The following GABRG3 variants were observed in gnomAD, a reference collection of about 807,000 sequenced individuals.
GABRG3 encodes gamma-aminobutyric acid receptor subunit gamma-3.
GABRG3 carries 25 observed loss-of-function variants against 48.8 expected under a neutral mutation model. The observed-to-expected ratio is 0.51, with a 90% CI of 0.37 to 0.72. The LOEUF is 0.72. GABRG3 is among the 30% of genes least tolerant of loss of function. The pLI is 0.00. For missense variants in GABRG3, 394 were observed against 577.9 expected (o/e 0.68, Z 3.26); for synonymous variants, 227 against 217.6 (o/e 1.04, Z -0.38).
intron 3 of GABRG3, among the ~76,000 whole-genome samples, chr15:27,264,492 T>G (rs895626966): frequency 3.3e-5 from 5 of 152,042 alleles, no homozygotes; most frequent in Non-Finnish European, 7.4e-5. Flanking sequence ...TATAGTCTAC[T>G]TTCTTTTCTC....
At chr15:27,456,350 G>GGT (rs1595765878) in intron 5 of GABRG3, among the ~76,000 whole-genome samples, 1 of 152,190 alleles carries the variant, frequency 6.6e-6, no homozygotes. Context: ...GAAAACACTG[G>GGT]GTCAACTGCT....
intron 2 of GABRG3, among the ~76,000 whole-genome samples, chr15:27,012,719 A>G (rs748216072): frequency 1.3e-5 from 2 of 152,168 alleles, no homozygotes; most frequent in African/African-American, 4.8e-5. Flanking sequence ...ACTCATAACT[A>G]TAAAAAACAG....
chr15:27,123,197 A>T (rs989810074), intron 3 of GABRG3, among the ~76,000 whole-genome samples: 11 of 152,246 alleles, frequency 7.2e-5, no homozygotes, highest in Non-Finnish European at 1.5e-5. Flanking sequence ...TCAATATGTT[A>T]GTGAAAAGAA....
intron 5 of GABRG3, among the ~76,000 whole-genome samples, chr15:27,421,974 C>A (rs1242689273): frequency 6.7e-6 from 1 of 148,522 alleles, no homozygotes; most frequent in African/African-American, 2.5e-5. Context: ...GAGTGGGCTG[C>A]ATATCCACCA....
chr15:27,478,396 T>G (rs781507892), intron 5 of GABRG3, among the ~76,000 whole-genome samples: 1 of 152,270 alleles, frequency 6.6e-6, no homozygotes, highest in East Asian at 1.9e-4. Flanking sequence ...AACAAAAGCA[T>G]GAGAATATGC....
At chr15:27,460,107 C>A (rs1417100847) in intron 5 of GABRG3, among the ~76,000 whole-genome samples, 1 of 152,094 alleles carries the variant, frequency 6.6e-6, no homozygotes, top group Non-Finnish European at 1.5e-5. Flanking sequence ...TAAATGCTAA[C>A]CTTTGGATAA....
intron 3 of GABRG3, among the ~76,000 whole-genome samples, chr15:27,155,753 G>C (rs187305127): frequency 6.6e-6 from 1 of 152,052 alleles, no homozygotes; most frequent in African/African-American, 2.4e-5. Context: ...CTGGCTGGAC[G>C]GGTACAAGTA....
intron 5 of GABRG3, among the ~76,000 whole-genome samples, chr15:27,417,077 C>G (rs1358036603): frequency 6.6e-6 from 1 of 152,138 alleles, no homozygotes; most frequent in Non-Finnish European, 1.5e-5. Context: ...TCCCAAAGAA[C>G]ATATGGAAGT....
chr15:27,387,457 C>T (rs1895958305), intron 5 of GABRG3, among the ~76,000 whole-genome samples: 1 of 151,898 alleles, frequency 6.6e-6, no homozygotes, highest in Non-Finnish European at 1.5e-5. Context: ...TTTGGCCTGC[C>T]CTAGTTTGCA....
At chr15:27,177,060 T>C (rs1034806578) in intron 3 of GABRG3, among the ~76,000 whole-genome samples, 2 of 152,136 alleles carry the variant, frequency 1.3e-5, no homozygotes, top group East Asian at 1.9e-4. Flanking sequence ...CCCCGAGAAC[T>C]CAGAGGCTAG....
intron 3 of GABRG3, among the ~76,000 whole-genome samples, chr15:27,030,910 C>A (rs1250853334): frequency 6.6e-6 from 1 of 152,032 alleles, no homozygotes; most frequent in African/African-American, 2.4e-5. Flanking sequence ...AGGGCCACAG[C>A]CTTAACATAG....
chr15:27,032,892 G>A (rs1303923966), intron 3 of GABRG3, among the ~76,000 whole-genome samples: 1 of 152,186 alleles, frequency 6.6e-6, no homozygotes, highest in African/African-American at 2.4e-5. Context: ...GTCTTGCAGA[G>A]GCTCCACTGG....
intron 3 of GABRG3, among the ~76,000 whole-genome samples, chr15:27,089,884 C>A (rs1248525898): frequency 6.6e-6 from 1 of 152,224 alleles, no homozygotes; most frequent in Admixed American, 6.5e-5. Context: ...TACTTCATTC[C>A]TTTTCATGGC....
chr15:27,339,887 G>A (rs28653355), intron 5 of GABRG3, among the ~76,000 whole-genome samples: 79,957 of 151,992 alleles, frequency 0.53, 23,585 homozygotes, highest in African/African-American at 0.78. Context: ...GTGACCCTGC[G>A]TGACTTGTAA....
At chr15:27,513,230 G>A (rs193204260) in intron 6 of GABRG3, among the ~76,000 whole-genome samples, 1 of 152,086 alleles carries the variant, frequency 6.6e-6, no homozygotes, top group East Asian at 2.0e-4. Context: ...AGCAGATCAC[G>A]AGGTCAGGAG....
intron 2 of GABRG3, among the ~76,000 whole-genome samples, chr15:26,988,706 C>T (rs1210469943): frequency 6.6e-6 from 1 of 151,310 alleles, no homozygotes; most frequent in Admixed American, 6.6e-5. Context: ...TCTTTTTTTG[C>T]TCCTTTCCCC....
At chr15:27,348,256 G>A (rs1894445645) in intron 5 of GABRG3, among the ~76,000 whole-genome samples, 1 of 151,922 alleles carries the variant, frequency 6.6e-6, no homozygotes, top group African/African-American at 2.4e-5. Context: ...ACTCATTATT[G>A]GAAGCAGTAA....
At chr15:27,407,301 C>T (rs1370586550) in intron 5 of GABRG3, among the ~76,000 whole-genome samples, 2 of 152,198 alleles carry the variant, frequency 1.3e-5, no homozygotes, top group Non-Finnish European at 2.9e-5. Context: ...AAATCCGGAA[C>T]ACTGACACCA....
intron 3 of GABRG3, among the ~76,000 whole-genome samples, chr15:27,058,312 G>A (rs1429883977): frequency 2.0e-5 from 3 of 152,320 alleles, no homozygotes; most frequent in Middle Eastern, 3.4e-3. Context: ...GGCTATCTCC[G>A]CACAGCAGAG....
Sources: allele counts gnomAD v4.1 joint callset (sites outside exome capture counted in the v4.1 genomes callset), GRCh38; gene constraint gnomAD v4.1.1; transcripts MANE v1.5; gene names NCBI Gene and HGNC (gene_info 2026-07-23, HGNC 2026-07-21).